The following KIF15 variants were observed in gnomAD, a reference collection of about 807,000 sequenced individuals.
The protein encoded by KIF15 is kinesin family member 15, also known as kinesin-like protein KIF15.
In KIF15, 140 loss-of-function variants were observed where a neutral mutation model predicts 190.6. That is an observed-to-expected ratio of 0.73 (90% CI 0.64 to 0.84). KIF15 has a LOEUF of 0.84. Ranked by LOEUF, KIF15 falls within the 40% of genes least tolerant of loss-of-function variation. The probability of loss-of-function intolerance (pLI) is 0.00; values close to 1 mark genes in which losing one functional copy is unlikely to be tolerated. For synonymous variants in KIF15, 528 were observed against 551.3 expected, an observed-to-expected ratio of 0.96 and a Z score of 0.59; for missense variants, 1,372 against 1,584.4, an observed-to-expected ratio of 0.87 and a Z score of 2.28.
chr3:44,789,197 A>T (rs1706552168), intron 7 of KIF15, among the ~76,000 whole-genome samples: 1 of 152,138 alleles, frequency 6.6e-6, no homozygotes, highest in Admixed American at 6.6e-5. Context: ...TTTGTGATAT[A>T]AGTATTTAAT....
intron 30 of KIF15, among the ~76,000 whole-genome samples, chr3:44,847,630 T>C (rs890852132): frequency 2.0e-5 from 3 of 152,184 alleles, no homozygotes; most frequent in Admixed American, 1.3e-4. Context: ...CATACCAGGC[T>C]CTTGGCTCTT....
chr3:44,797,868 T>C lies in KIF15; in HGVS notation c.1010T>C (p.Ile337Thr). 2 of 1,613,944 alleles carry C rather than the reference T, an allele frequency of 1.2e-6. No individual in the cohort carries two copies. The highest frequency in any genetic ancestry group is 1.7e-6 in the Non-Finnish European group (2 of 1,179,940). Residue 337 changes from isoleucine to threonine, a missense_variant, in exon 10 of 35, where the codon ATT (isoleucine) becomes ACT (threonine). Coordinates refer to ENST00000326047, the MANE Select transcript of KIF15 (RefSeq NM_020242.3). ...GGAGGTAATGCCAAAACAGCCATAA[T>C]TGCAAATGTTCATCCTGGATCCAGG... ...SLGGNAKTAI[I>T]ANVHPGSRCF...
intron 29 of KIF15, among the ~76,000 whole-genome samples, chr3:44,842,592 T>C (rs1698660332): frequency 6.6e-6 from 1 of 152,332 alleles, no homozygotes; most frequent in African/African-American, 2.4e-5. Context: ...GTGGCTGTTA[T>C]CCAGATTGCC....
In KIF15 at chr3:44,840,400, A is replaced by G; in HGVS notation, c.3364A>G (p.Asn1122Asp). 6.2e-7 allele frequency: 1 copy of G among 1,611,330 alleles called. No individual in the cohort carries two copies. The highest frequency in any genetic ancestry group is 1.3e-5 in the African/African-American group (1 of 74,960). Residue 1122 changes from asparagine to aspartate, a missense_variant, in exon 28 of 35, where the codon AAC becomes GAC. Transcript: ENST00000326047. The stretch of plus-strand genomic sequence containing the variant: ...AGTAGAACAGAAGAAGAATGAATAT[A>G]ACTTCAAAATGAGGCAACTAGAACA... ...EEVEQKKNEY[N>D]FKMRQLEHVM...
intron 20 of KIF15, among the ~76,000 whole-genome samples, chr3:44,820,938 C>T (rs1708244926): frequency 1.3e-5 from 2 of 151,336 alleles, no homozygotes; most frequent in African/African-American, 2.4e-5. Flanking sequence ...CGGGCAGAGG[C>T]GCCCCTCACC....
chr3:44,807,117 G>A (rs540502777), intron 16 of KIF15, among the ~76,000 whole-genome samples: 1 of 152,284 alleles, frequency 6.6e-6, no homozygotes, highest in African/African-American at 2.4e-5. Flanking sequence ...AATATAAATA[G>A]ATGTTTATTT....
chr3:44,806,907 G>A (rs568307468), intron 16 of KIF15, among the ~76,000 whole-genome samples: 9 of 151,176 alleles, frequency 6.0e-5, no homozygotes, highest in South Asian at 4.2e-4. Flanking sequence ...CACCATGCCC[G>A]GATAATTTTT....
chr3:44,825,643 T>C (rs538524296), intron 20 of KIF15, among the ~76,000 whole-genome samples: 1 of 152,290 alleles, frequency 6.6e-6, no homozygotes, highest in Admixed American at 6.5e-5. Context: ...ATAGTTGGAG[T>C]TGAGCTATCA....
At chr3:44,796,967 CTA>C (rs1456943859) in intron 8 of KIF15, among the ~76,000 whole-genome samples, 2 of 151,986 alleles carry the variant, frequency 1.3e-5, no homozygotes, top group African/African-American at 4.8e-5. Flanking sequence ...CGGTTTCAAA[CTA>C]TTACAATCAT....
intron 32 of KIF15, among the ~76,000 whole-genome samples, chr3:44,849,641 C>A (rs540111593): frequency 3.7e-4 from 56 of 151,906 alleles, no homozygotes; most frequent in African/African-American, 1.3e-3. Flanking sequence ...CTTTCTACAC[C>A]CTGCAGGATT....
In KIF15 at chr3:44,822,963, G is replaced by A. The variant is rs539498654; in HGVS notation, c.2550-3076G>A. 5.9e-5 allele frequency among the ~76,000 whole-genome samples: 9 copies of A among 152,228 alleles called. No homozygotes were observed. In the East Asian group the frequency reaches 1.7e-3, roughly 29 times the overall value. On this transcript the variant is annotated intron_variant, in intron 20 of 34. Coordinates refer to ENST00000326047, the MANE Select transcript of KIF15 (RefSeq NM_020242.3). ...CATTGGGTTTGAACATGGTCCTTTA[G>A]CTTGTCGAAGTTTGTTATTACCGAC...
chr3:44,864,988 G>A, intron 6 of KIF15: 1 of 1,607,836 alleles, frequency 6.2e-7, no homozygotes, highest in South Asian at 1.1e-5. Context: ...GGAGAGTGAG[G>A]TTGTGCCCAC....
At chr3:44,858,472 G>A (rs377099063) in intron 6 of KIF15, among the ~76,000 whole-genome samples, 10 of 152,110 alleles carry the variant, frequency 6.6e-5, no homozygotes, top group Non-Finnish European at 8.8e-5. Flanking sequence ...ATAGTAATGC[G>A]CGTGTGATGG....
chr3:44,781,870 C>G (rs192510563), intron 5 of KIF15, among the ~76,000 whole-genome samples: 1 of 152,190 alleles, frequency 6.6e-6, no homozygotes, highest in African/African-American at 2.4e-5. Flanking sequence ...AAAAAATTAG[C>G]TTGACTTTTT....
At chr3:44,771,851 A>T (rs986164917) in intron 1 of KIF15, among the ~76,000 whole-genome samples, 1 of 152,184 alleles carries the variant, frequency 6.6e-6, no homozygotes, top group East Asian at 1.9e-4. Context: ...CAATTTTTAC[A>T]ATCCTTCCAC....
At chr3:44,864,185 T>C in intron 6 of KIF15, 2 of 1,613,536 alleles carry the variant, frequency 1.2e-6, no homozygotes, top group Non-Finnish European at 1.7e-6. Flanking sequence ...GCAGTGACAC[T>C]TTCTCCTGCA....
chr3:44,775,129 G>A, intron 2 of KIF15, 125 bp from the exon 3 acceptor site: 1 of 725,474 alleles, frequency 1.4e-6, no homozygotes, highest in Non-Finnish European at 2.3e-6. Context: ...ATTTGTATGG[G>A]ATATGTCTTG....
rs1698037428 is a variant in KIF15, at chr3:44,830,905, A to T, written c.3058A>T (p.Asn1020Tyr). The change falls in exon 26 of 35, where the codon AAC becomes TAC. Residue 1020 changes from asparagine (N) to tyrosine (Y), a missense_variant. Coordinates refer to ENST00000326047, the MANE Select transcript of KIF15 (RefSeq NM_020242.3). The stretch of plus-strand genomic sequence containing the variant: ...ACTTTCTTTTCTACAGTGCAAATAC[A>T]ACTCTGCTTTGGTTGACAGAGAAGA... Reference protein sequence around the residue: ...QELKDINCKYNSALVDREESR... With the variant: ...QELKDINCKYYSALVDREESR... 1 of 1,613,322 alleles carries T rather than the reference A, an allele frequency of 6.2e-7. No homozygotes were observed. Among genetic ancestry groups the T allele is most frequent in the Admixed American group, 1.7e-5 (1 of 59,916 alleles).
intron 20 of KIF15, among the ~76,000 whole-genome samples, chr3:44,816,712 G>A (rs561881780): frequency 6.6e-6 from 1 of 152,324 alleles, no homozygotes; most frequent in African/African-American, 2.4e-5. Context: ...GTGTGCATGT[G>A]TCTTTATAGT....
Sources: allele counts gnomAD v4.1 joint callset (sites outside exome capture counted in the v4.1 genomes callset), GRCh38; gene constraint gnomAD v4.1.1; transcripts MANE v1.5; gene names NCBI Gene and HGNC (gene_info 2026-07-23, HGNC 2026-07-21).